RBPMS2: variants seen among roughly 807,000 people sequenced by gnomAD.
RBPMS2 encodes RNA binding protein, mRNA processing factor 2.
A neutral mutation model predicts 25.7 loss-of-function variants in RBPMS2; 14 were observed. That is an observed-to-expected ratio of 0.55 (90% CI 0.36 to 0.85). RBPMS2 has a LOEUF of 0.85. RBPMS2 is among the 40% of genes least tolerant of loss of function. The pLI, the probability that RBPMS2 is intolerant of heterozygous loss-of-function variation, is 0.01. For missense variants in RBPMS2, 252 were observed against 283.4 expected (o/e 0.89, Z 0.80); for synonymous variants, 127 against 115.6 (o/e 1.10, Z -0.63).
chr15:64,773,620 C>T (rs2083907063), intron 1 of RBPMS2, among the ~76,000 whole-genome samples: 1 of 152,184 alleles, frequency 6.6e-6, no homozygotes, highest in Non-Finnish European at 1.5e-5. Context: ...TCTCACCCAA[C>T]AGCAGTGGGT....
At chr15:64,757,206 A>G (rs1340344938) in intron 1 of RBPMS2, among the ~76,000 whole-genome samples, 1 of 151,654 alleles carries the variant, frequency 6.6e-6, no homozygotes, top group Non-Finnish European at 1.5e-5. Context: ...TCCTGGGCTC[A>G]GAGAATCCTT....
intron 1 of RBPMS2, 138 bp downstream of exon 1, chr15:64,775,095 G>C (rs1262952417): frequency 2.4e-5 from 9 of 372,434 alleles, no homozygotes; most frequent in Non-Finnish European, 3.5e-5. Context: ...GCTCCTACCC[G>C]GGCGAGAGGG....
At chr15:64,752,737 T>G (rs1290933037) in intron 1 of RBPMS2, among the ~76,000 whole-genome samples, 3 of 151,884 alleles carry the variant, frequency 2.0e-5, no homozygotes, top group Non-Finnish European at 4.4e-5. Flanking sequence ...CAGCCTCCCA[T>G]GTAGCTGGGA....
rs1462834167 is a variant in RBPMS2, at chr15:64,739,965, C to G, written c.*1043G>C. The G allele has an allele frequency of 6.6e-6, 1 of 152,670 alleles. No individual in the cohort carries two copies. The highest frequency in any genetic ancestry group is 1.9e-4 in the East Asian group (1 of 5,198). 9.5% of individuals were successfully genotyped at this position (152,670 alleles called of 1,614,324 possible). Reference sequence around the variant, plus strand: ...ATTCTCACAGGATCAGCAATGACAACAGCCGCCTCATCTCCCAAGTCTGAA... The same window carrying G: ...ATTCTCACAGGATCAGCAATGACAAGAGCCGCCTCATCTCCCAAGTCTGAA... On this transcript the variant is annotated 3_prime_UTR_variant, in exon 8 of 8. Coordinates refer to ENST00000300069, the MANE Select transcript of RBPMS2 (RefSeq NM_194272.3).
chr15:64,775,278 G>T lies in RBPMS2; in HGVS notation c.42C>A (p.Thr14=). 7.4e-7 allele frequency: 1 copy of T among 1,351,080 alleles called. No homozygotes were observed. The highest frequency in any genetic ancestry group is 1.7e-5 in the South Asian group (1 of 58,122). The allele number at this position is 1,351,080 out of a possible 1,614,324, so 83.7% of individuals were successfully genotyped here. The change falls in exon 1 of 8, where the codon ACC becomes ACA. Residue 14 remains threonine (T), a synonymous_variant. Transcript: ENST00000300069. ...CGGAGCCCGCGCCGGAGCCGGTGCC[G>T]GTGCTGCCGCCGTGCTCGCCGTCCG... is the stretch of plus-strand genomic sequence containing the variant. ...LKPDGEHGGS[T]GTGSGAGSGG...
Position 64,743,526 on chromosome 15 carries a change from A to G in RBPMS2, c.568-2284T>C, listed in dbSNP as rs554146888. On this transcript the variant is annotated intron_variant, in intron 6 of 7. Transcript: ENST00000300069. The stretch of plus-strand genomic sequence containing the variant: ...CAGTGGCCTGGGTCCTCTAGAAGCC[A>G]CACAATCCCTTCCTAGAGCTCTTCT... Among the ~76,000 whole-genome samples, 4 of 152,356 alleles carry G rather than the reference A, an allele frequency of 2.6e-5. No homozygotes were observed. In the South Asian group the frequency reaches 8.3e-4, roughly 32 times the overall value.
chr15:64,772,707 A>G (rs1212017249), intron 1 of RBPMS2, among the ~76,000 whole-genome samples: 1 of 151,976 alleles, frequency 6.6e-6, no homozygotes, highest in African/African-American at 2.4e-5. Context: ...CTACTCACCC[A>G]CATCTCAGGG....
chr15:64,775,279 G>A lies in RBPMS2; in HGVS notation c.41C>T (p.Thr14Ile). 7.4e-7 allele frequency: 1 copy of A among 1,353,372 alleles called. No homozygotes were observed. Among genetic ancestry groups the A allele is most frequent in the Non-Finnish European group, 9.6e-7 (1 of 1,045,898 alleles). 83.8% of individuals were successfully genotyped at this position (1,353,372 alleles called of 1,614,324 possible). ...GGAGCCCGCGCCGGAGCCGGTGCCG[G>A]TGCTGCCGCCGTGCTCGCCGTCCGG... is the stretch of plus-strand genomic sequence containing the variant. ...LKPDGEHGGSTGTGSGAGSGG... is the reference protein window; with the variant it reads ...LKPDGEHGGSIGTGSGAGSGG... Residue 14 changes from threonine (T) to isoleucine (I), a missense_variant, in exon 1 of 8, where the codon ACC becomes ATC. Transcript: ENST00000300069.
rs138549007 is a variant in RBPMS2 at position 64,771,610 on chromosome 15, G to A, written c.87+3623C>T. On this transcript the variant is annotated intron_variant, in intron 1 of 7. Transcript: ENST00000300069. Reference sequence around the variant, plus strand: ...AATCACTTGAACCTGGGAGGAGGTTGCAGTGAGCCGAGATTGCGCCACTGC... The same window carrying A: ...AATCACTTGAACCTGGGAGGAGGTTACAGTGAGCCGAGATTGCGCCACTGC... Among the ~76,000 whole-genome samples, 1,325 of 152,126 alleles carry A rather than the reference G, an allele frequency of 8.7e-3. 12 individuals carry two copies. Among genetic ancestry groups the A allele is most frequent in the Middle Eastern group, 0.031 (9 of 294 alleles).
chr15:64,770,886 T>C (rs547906321), intron 1 of RBPMS2, among the ~76,000 whole-genome samples: 3 of 152,124 alleles, frequency 2.0e-5, no homozygotes, highest in Non-Finnish European at 2.9e-5. Flanking sequence ...CTCTGGCTGC[T>C]TCCTGACACC....
chr15:64,741,755 C>T (rs942030402), intron 6 of RBPMS2, among the ~76,000 whole-genome samples: 16 of 152,178 alleles, frequency 1.1e-4, no homozygotes, highest in African/African-American at 3.4e-4. Flanking sequence ...ACAGTAAGGC[C>T]GGGTGCAGTG....
intron 6 of RBPMS2, among the ~76,000 whole-genome samples, chr15:64,744,939 T>C (rs1042849707): frequency 5.4e-5 from 8 of 149,344 alleles, no homozygotes; most frequent in Non-Finnish European, 1.0e-4. Flanking sequence ...CTCAGCCTCC[T>C]GAGTAGCTGG....
At chr15:64,765,996 A>C (rs1339261660) in intron 1 of RBPMS2, among the ~76,000 whole-genome samples, 4 of 152,096 alleles carry the variant, frequency 2.6e-5, no homozygotes, top group African/African-American at 9.7e-5. Flanking sequence ...TCTCAAAAAA[A>C]AAAAAAATGG....
chr15:64,751,685 A>G (rs778728653), intron 1 of RBPMS2, 47 bp from the exon 2 acceptor site: 5 of 1,516,972 alleles, frequency 3.3e-6, no homozygotes, highest in African/African-American at 2.7e-5. Flanking sequence ...CAAGACGGAC[A>G]GGGATGACAA....
intron 1 of RBPMS2, among the ~76,000 whole-genome samples, chr15:64,769,781 C>T (rs556584990): frequency 6.6e-6 from 1 of 152,336 alleles, no homozygotes; most frequent in Admixed American, 6.5e-5. Context: ...GCTGACAGCT[C>T]CCATCACCCA....
chr15:64,769,126 A>G (rs2083872982), intron 1 of RBPMS2, among the ~76,000 whole-genome samples: 1 of 143,700 alleles, frequency 7.0e-6, no homozygotes, highest in Non-Finnish European at 1.5e-5. Flanking sequence ...AAAAAAAAAG[A>G]ATTTTAAAAA....
intron 1 of RBPMS2, among the ~76,000 whole-genome samples, chr15:64,761,830 T>A (rs2141071610): frequency 6.8e-6 from 1 of 147,812 alleles, no homozygotes; most frequent in African/African-American, 2.5e-5. Context: ...TGCCTCAGCC[T>A]CCCAAATAGC....
At chr15:64,758,267 C>A (rs879571089) in intron 1 of RBPMS2, among the ~76,000 whole-genome samples, 2 of 152,204 alleles carry the variant, frequency 1.3e-5, no homozygotes, top group African/African-American at 4.8e-5. Context: ...GGGTTCCTGT[C>A]CCAAAATGTG....
At chr15:64,765,870 G>C (rs1028846649) in intron 1 of RBPMS2, among the ~76,000 whole-genome samples, 6 of 152,114 alleles carry the variant, frequency 3.9e-5, no homozygotes, top group African/African-American at 1.4e-4. Context: ...GAAGGCACCT[G>C]TAATCCCAGC....
Sources: allele counts gnomAD v4.1 joint callset (sites outside exome capture counted in the v4.1 genomes callset), GRCh38; gene constraint gnomAD v4.1.1; transcripts MANE v1.5; gene names NCBI Gene and HGNC (gene_info 2026-07-23, HGNC 2026-07-21).